Variants in SLC9D1 observed in about 807,000 individuals in gnomAD.
SLC9D1 encodes putative LAG1-interacting protein.
the SLC9D1 span, chr13:113,500,204 C>A: frequency 1.7e-6 from 2 of 1,199,832 alleles, no homozygotes; most frequent in South Asian, 2.6e-5. Flanking sequence ...TTCATGGTGT[C>A]AGTATGACCG....
At chr13:113,517,646 G>A in the SLC9D1 span, among the ~76,000 whole-genome samples, 1 of 152,174 alleles carries the variant, frequency 6.6e-6, no homozygotes, top group Non-Finnish European at 1.5e-5. Context: ...TGCAGATATA[G>A]TGGTGGTCAA....
chr13:113,520,591 G>C, the SLC9D1 span: 3 of 1,570,596 alleles, frequency 1.9e-6, no homozygotes, highest in Non-Finnish European at 2.6e-6. Flanking sequence ...TCGTAGACCT[G>C]TCTTCAATGC....
At chr13:113,544,664 G>C in the SLC9D1 span, among the ~76,000 whole-genome samples, 3 of 152,260 alleles carry the variant, frequency 2.0e-5, no homozygotes, top group East Asian at 5.8e-4. Flanking sequence ...AGATCCAGGT[G>C]TCTGGCGAGG....
At chr13:113,506,552 TGTGTGA>T in the SLC9D1 span, among the ~76,000 whole-genome samples, 617 of 134,046 alleles carry the variant, frequency 4.6e-3, 3 homozygotes, top group African/African-American at 0.018. Context: ...TGGGCGTGTG[TGTGTGA>T]GTGTGTGTGT....
At chr13:113,499,608 G>A in the SLC9D1 span, among the ~76,000 whole-genome samples, 1 of 152,176 alleles carries the variant, frequency 6.6e-6, no homozygotes, top group Admixed American at 6.5e-5. Context: ...TCACAAAAAG[G>A]TTGGGTAATA....
At chr13:113,548,961 C>T in the SLC9D1 span, among the ~76,000 whole-genome samples, 1 of 152,106 alleles carries the variant, frequency 6.6e-6, no homozygotes, top group Non-Finnish European at 1.5e-5. Context: ...ACAGGAAGCT[C>T]CACCTGAGGC....
chr13:113,546,744 C>T, the SLC9D1 span, among the ~76,000 whole-genome samples: 1 of 152,178 alleles, frequency 6.6e-6, no homozygotes. The surrounding 1 kb of genome is among the most constrained non-coding windows in gnomAD (Gnocchi z 7.1). Context: ...AGCCCCAGCA[C>T]CGCCGGCCCC....
At chr13:113,492,508 G>T in the SLC9D1 span, among the ~76,000 whole-genome samples, 1 of 151,444 alleles carries the variant, frequency 6.6e-6, no homozygotes, top group East Asian at 1.9e-4. Flanking sequence ...GCACTAGTGA[G>T]TGTGAATCTA....
chr13:113,512,289 TATATATAC>T, the SLC9D1 span, among the ~76,000 whole-genome samples: 1 of 103,870 alleles, frequency 9.6e-6, no homozygotes, highest in East Asian at 2.7e-4. Flanking sequence ...AGGGTCAGTA[TATATATAC>T]ACTCGGAGTC....
At chr13:113,534,101 T>G in the SLC9D1 span, 1 of 1,613,046 alleles carries the variant, frequency 6.2e-7, no homozygotes, top group Non-Finnish European at 8.5e-7. Context: ...CTTTTTTCAC[T>G]AGCGGCGGTT....
chr13:113,512,048 G>A, the SLC9D1 span: 1 of 142,330 alleles, frequency 7.0e-6, no homozygotes, highest in Non-Finnish European at 1.5e-5. Flanking sequence ...GGGTTGGAGT[G>A]TAGATGGAGA....
the SLC9D1 span, among the ~76,000 whole-genome samples, chr13:113,525,925 C>T: frequency 9.2e-5 from 14 of 151,352 alleles, no homozygotes; most frequent in Non-Finnish European, 8.8e-5. Context: ...TCGTAGGAGA[C>T]GACAGCTCTG....
chr13:113,538,789 G>C, the SLC9D1 span, among the ~76,000 whole-genome samples: 1 of 152,380 alleles, frequency 6.6e-6, no homozygotes, highest in South Asian at 2.1e-4. Flanking sequence ...GCGTCATCCG[G>C]AAGGCTGCCA....
the SLC9D1 span, among the ~76,000 whole-genome samples, chr13:113,500,348 A>G: frequency 6.6e-6 from 1 of 152,230 alleles, no homozygotes; most frequent in South Asian, 2.1e-4. Flanking sequence ...ATACTTTAAT[A>G]TTTAAAATGA....
At chr13:113,510,676 G>A in the SLC9D1 span, among the ~76,000 whole-genome samples, 1 of 152,212 alleles carries the variant, frequency 6.6e-6, no homozygotes, top group African/African-American at 2.4e-5. Context: ...GAGGGCCAGA[G>A]AGAAATTGGA....
chr13:113,542,459 T>C, the SLC9D1 span, among the ~76,000 whole-genome samples: 1 of 152,188 alleles, frequency 6.6e-6, no homozygotes, highest in Non-Finnish European at 1.5e-5. Context: ...CAGGGGAGAA[T>C]GCGTGTTATT....
the SLC9D1 span, among the ~76,000 whole-genome samples, chr13:113,510,778 A>G: frequency 1.3e-5 from 2 of 152,250 alleles, no homozygotes; most frequent in Admixed American, 6.5e-5. Context: ...CTTTAATTCT[A>G]GCAGGCACTG....
chr13:113,500,995 G>A, the SLC9D1 span, among the ~76,000 whole-genome samples: 1 of 152,152 alleles, frequency 6.6e-6, no homozygotes, highest in African/African-American at 2.4e-5. Context: ...GAGATTTTGA[G>A]ACTGTAAGTA....
At chr13:113,500,475 CA>C in the SLC9D1 span, among the ~76,000 whole-genome samples, 1 of 152,152 alleles carries the variant, frequency 6.6e-6, no homozygotes, top group Non-Finnish European at 1.5e-5. Flanking sequence ...CCTTAAAAGG[CA>C]GAGAGGTCTT....
Sources: gnomAD v4.1 joint callset for allele counts (sites outside exome capture counted in the v4.1 genomes callset) on GRCh38, gnomAD v4.1.1 for gene constraint, Gnocchi (gnomAD v3.1) non-coding constraint, MANE v1.5 for transcripts, NCBI Gene and HGNC (gene_info 2026-07-23, HGNC 2026-07-21) for gene names.